Variants in VIT observed in about 807,000 individuals in gnomAD.
The protein encoded by VIT is vitrin.
In VIT, 99 loss-of-function variants were observed where a neutral mutation model predicts 78.0. The ratio of observed to expected loss-of-function variants is 1.27; its 90% confidence interval spans 1.08 to 1.50. The LOEUF is 1.50. VIT is among the 40% of genes most tolerant of loss of function. VIT has a pLI of 0.00. For missense variants in VIT, 1,126 were observed against 875.3 expected (o/e 1.29, Z -3.61); for synonymous variants, 374 against 334.3 (o/e 1.12, Z -1.29).
At chr2:36,718,321 G>C (rs985832631) in intron 2 of VIT, among the ~76,000 whole-genome samples, 2 of 152,118 alleles carry the variant, frequency 1.3e-5, no homozygotes, top group African/African-American at 4.8e-5. Flanking sequence ...AATACAGCTG[G>C]GAAGGCAAGG....
chr2:36,790,185 G>A (rs1665389356), intron 12 of VIT, among the ~76,000 whole-genome samples: 1 of 152,100 alleles, frequency 6.6e-6, no homozygotes, highest in African/African-American at 2.4e-5. Flanking sequence ...ACTCAAAGAC[G>A]TTTTGGGTAC....
intron 11 of VIT, among the ~76,000 whole-genome samples, chr2:36,784,309 T>G (rs950214414): frequency 3.9e-5 from 6 of 152,204 alleles, no homozygotes; most frequent in Admixed American, 6.5e-5. Flanking sequence ...AAGACATTAT[T>G]AAAGATGCCC....
At chr2:36,801,195 T>C (rs1352917283) in intron 12 of VIT, 106 bp from the exon 13 acceptor site, 11 of 1,043,234 alleles carry the variant, frequency 1.1e-5, no homozygotes, top group African/African-American at 1.6e-5. Context: ...GCAGAAGGCT[T>C]TGAAGCAGCT....
chr2:36,728,137 G>C (rs1031723659), intron 2 of VIT, among the ~76,000 whole-genome samples: 2 of 151,682 alleles, frequency 1.3e-5, no homozygotes, highest in African/African-American at 4.9e-5. Context: ...CACCATGTTG[G>C]CCACACTCGT....
intron 2 of VIT, among the ~76,000 whole-genome samples, chr2:36,721,025 G>T (rs12105940): frequency 0.013 from 2,021 of 151,052 alleles, 49 homozygotes; most frequent in African/African-American, 0.047. Flanking sequence ...AAAAAAAAAG[G>T]TACAAACTTT....
intron 14 of VIT, among the ~76,000 whole-genome samples, chr2:36,807,765 C>G (rs1255754831): frequency 1.3e-5 from 2 of 152,138 alleles, no homozygotes. Flanking sequence ...AGCTTAGGCA[C>G]TGGTAAATAA....
chr2:36,773,682 C>T lies in VIT; in HGVS notation c.680-109C>T, dbSNP rs1395843841. On this transcript the variant is annotated intron_variant, in intron 7 of 15. Transcript: ENST00000379242. ...GAGGTTGCAGTGAGCTGAGATCGCA[C>T]CACTGCACTCCAGCTCTGGGCATAC... The T allele has an allele frequency of 3.2e-6, 3 of 951,956 alleles. No individual in the cohort carries two copies. The East Asian group carries it at 9.8e-5, about 31-fold the overall frequency. The allele number at this position is 951,956 out of a possible 1,614,324, so 59.0% of individuals were successfully genotyped here.
At chr2:36,708,651 A>G (rs1665604641) in intron 1 of VIT, among the ~76,000 whole-genome samples, 1 of 152,028 alleles carries the variant, frequency 6.6e-6, no homozygotes, top group Non-Finnish European at 1.5e-5. Flanking sequence ...AACAACTCCC[A>G]GTTCTGAAGC....
At chr2:36,720,183 A>G (rs1666413760) in intron 2 of VIT, among the ~76,000 whole-genome samples, 1 of 152,202 alleles carries the variant, frequency 6.6e-6, no homozygotes, top group African/African-American at 2.4e-5. Flanking sequence ...CAAAAGGCCA[A>G]AGCAATCCTG....
intron 12 of VIT, among the ~76,000 whole-genome samples, chr2:36,800,629 T>C (rs895706738): frequency 2.6e-5 from 4 of 152,142 alleles, no homozygotes; most frequent in Non-Finnish European, 4.4e-5. Flanking sequence ...ACACCCGCCC[T>C]CCTGCACGCC....
At chr2:36,747,387 G>T (rs1225552056) in intron 4 of VIT, among the ~76,000 whole-genome samples, 1 of 152,214 alleles carries the variant, frequency 6.6e-6, no homozygotes, top group Non-Finnish European at 1.5e-5. Flanking sequence ...AACACTGTCA[G>T]TGGAGTGTTG....
At chr2:36,809,849 G>C (rs996914688) in intron 15 of VIT, among the ~76,000 whole-genome samples, 9 of 152,188 alleles carry the variant, frequency 5.9e-5, no homozygotes, top group Admixed American at 3.3e-4. Flanking sequence ...AAAGAGACCA[G>C]GCATGGTGGT....
chr2:36,753,798 TGAG>T (rs1668608239), intron 4 of VIT, among the ~76,000 whole-genome samples: 3 of 151,800 alleles, frequency 2.0e-5, no homozygotes, highest in South Asian at 4.2e-4. Context: ...AGAGAGCGAG[TGAG>T]GAGGAGTTGG....
rs150786333 is a variant in VIT, at chr2:36,808,905, A to G, written c.1823A>G (p.Lys608Arg). Residue 608 changes from lysine to arginine, a missense_variant, in exon 15 of 16, where the codon AAG (lysine) becomes AGG (arginine). Physicochemically the swap from Lys to Arg is conservative, Grantham distance 26. Coordinates refer to ENST00000379242, the MANE Select transcript of VIT (RefSeq NM_053276.4). ...EQLFKKSKPN[K>R]RKLMILITDG... is the part of the protein sequence containing the mutation. ...CTCTTCAAGAAGTCCAAGCCCAACA[A>G]GAGGAAGTTAATGATCCTCATCACC... 99 of 1,614,068 alleles carry G rather than the reference A, an allele frequency of 6.1e-5. No homozygotes were observed. The African/African-American group carries it at 1.2e-3, about 19-fold the overall frequency.
intron 10 of VIT, among the ~76,000 whole-genome samples, 180 bp from the exon 11 acceptor site, chr2:36,783,160 C>G (rs899485611): frequency 1.3e-5 from 2 of 152,238 alleles, no homozygotes; most frequent in African/African-American, 4.8e-5. Context: ...TTTTGATAGG[C>G]TGTAAGTAAA....
At chr2:36,806,297 C>T (rs1251546065) in intron 14 of VIT, among the ~76,000 whole-genome samples, 1 of 152,134 alleles carries the variant, frequency 6.6e-6, no homozygotes, top group African/African-American at 2.4e-5. Context: ...TCTTTGAGGC[C>T]CTTCCAGCTT....
chr2:36,709,685 A>G (rs1234190546), intron 1 of VIT, among the ~76,000 whole-genome samples: 1 of 152,142 alleles, frequency 6.6e-6, no homozygotes, highest in African/African-American at 2.4e-5. Flanking sequence ...GGGTTGGTAA[A>G]GCAGTCCAGA....
At chr2:36,773,029 A>G (rs1177971090) in intron 7 of VIT, among the ~76,000 whole-genome samples, 3 of 152,222 alleles carry the variant, frequency 2.0e-5, no homozygotes, top group Non-Finnish European at 4.4e-5. Context: ...TCCTTCGCTC[A>G]CAGAGTAATT....
At chr2:36,717,982 C>A (rs990071074) in intron 2 of VIT, among the ~76,000 whole-genome samples, 10 of 152,138 alleles carry the variant, frequency 6.6e-5, no homozygotes, top group African/African-American at 2.4e-4. Flanking sequence ...TTTCTTTGGC[C>A]TGTACATGTA....
Sources: gnomAD v4.1 joint callset for allele counts (sites outside exome capture counted in the v4.1 genomes callset) on GRCh38, gnomAD v4.1.1 for gene constraint, MANE v1.5 for transcripts, NCBI Gene and HGNC (gene_info 2026-07-23, HGNC 2026-07-21) for gene names.